Variants in MDGA2 observed in about 807,000 individuals in gnomAD.
The protein encoded by MDGA2 is MAM domain-containing glycosylphosphatidylinositol anchor protein 2.
MDGA2 carries 40 observed loss-of-function variants against 117.8 expected under a neutral mutation model. The observed-to-expected ratio is 0.34, with a 90% CI of 0.26 to 0.44. The LOEUF is 0.44. MDGA2 is among the 20% of genes least tolerant of loss of function. The pLI, the probability that MDGA2 is intolerant of heterozygous loss-of-function variation, is 1.00. For missense variants in MDGA2, 1,123 were observed against 1,250.6 expected, an observed-to-expected ratio of 0.90 and a Z score of 1.54; for synonymous variants, 452 against 439.0, an observed-to-expected ratio of 1.03 and a Z score of -0.37.
chr14:47,020,438 A>C (rs1888246475), intron 8 of MDGA2, among the ~76,000 whole-genome samples: 1 of 152,240 alleles, frequency 6.6e-6, no homozygotes, highest in Non-Finnish European at 1.5e-5. Context: ...GGAATGTCTT[A>C]TGTAGAATTC....
At position 47,665,201 on chromosome 14, in the gene MDGA2, C is replaced by G. The variant is rs951031995; in HGVS notation, c.280+9316G>C. On this transcript the variant is annotated intron_variant, in intron 1 of 16. Transcript: ENST00000399232. The stretch of plus-strand genomic sequence containing the variant: ...TACCCACTTTCAAGTCTTAACTGTT[C>G]CGAGCTTTTTCAAGTTTTCTCCAAC... Among the ~76,000 whole-genome samples the G allele has an allele frequency of 9.9e-5, 15 of 152,170 alleles. 1 individual carries two copies. Among genetic ancestry groups the G allele is most frequent in the Admixed American group, 9.8e-4 (15 of 15,274 alleles).
At chr14:46,893,676 G>A (rs1882969732) in intron 10 of MDGA2, among the ~76,000 whole-genome samples, 1 of 151,936 alleles carries the variant, frequency 6.6e-6, no homozygotes, top group African/African-American at 2.4e-5. Flanking sequence ...ATTATTAATA[G>A]TGTATTCACA....
At chr14:47,211,043 T>C (rs1885863835) in intron 3 of MDGA2, among the ~76,000 whole-genome samples, 1 of 152,152 alleles carries the variant, frequency 6.6e-6, no homozygotes, top group South Asian at 2.1e-4. Flanking sequence ...CTTACATAAA[T>C]GGCAGATCAT....
At chr14:47,465,224 A>G (rs944621002) in intron 1 of MDGA2, among the ~76,000 whole-genome samples, 4 of 152,320 alleles carry the variant, frequency 2.6e-5, no homozygotes, top group African/African-American at 9.6e-5. Context: ...AAACTCACAA[A>G]AACCCTGGCA....
chr14:47,617,761 T>C (rs550468998), intron 1 of MDGA2, among the ~76,000 whole-genome samples: 2 of 152,306 alleles, frequency 1.3e-5, no homozygotes, highest in Admixed American at 6.5e-5. Context: ...TATTTGCCTA[T>C]AGCATATTAT....
intron 1 of MDGA2, among the ~76,000 whole-genome samples, chr14:47,337,665 GAGAA>G (rs1479909668): frequency 6.6e-6 from 1 of 151,886 alleles, no homozygotes; most frequent in Admixed American, 6.6e-5. Context: ...GATAAAGGAG[GAGAA>G]AGAGACAATA....
chr14:47,008,449 C>T (rs1184109293), intron 8 of MDGA2, among the ~76,000 whole-genome samples: 1 of 151,990 alleles, frequency 6.6e-6, no homozygotes, highest in East Asian at 1.9e-4. Context: ...GACCACCTTG[C>T]TAAATAAGCT....
rs1421855564 is a variant in MDGA2, at chr14:47,444,115, T to C, written c.281-142565A>G. The C allele has an allele frequency of 1.5e-5, 3 of 198,268 alleles. No individual in the cohort carries two copies. The East Asian group carries it at 3.7e-4, about 24-fold the overall frequency. The allele number at this position is 198,268 out of a possible 1,614,324, so 12.3% of individuals were successfully genotyped here. Reference sequence around the variant, plus strand: ...TGTAAGCATTACATCCCTAGAAAAATAATCCCCAGGATTTTCCCTACTGTG... The same window carrying C: ...TGTAAGCATTACATCCCTAGAAAAACAATCCCCAGGATTTTCCCTACTGTG... On this transcript the variant is annotated intron_variant, in intron 1 of 16. Transcript: ENST00000399232.
intron 10 of MDGA2, among the ~76,000 whole-genome samples, chr14:46,889,227 T>C (rs760932274): frequency 6.6e-6 from 1 of 152,092 alleles, no homozygotes; most frequent in African/African-American, 2.4e-5. Context: ...TCTTCTTTCA[T>C]TACCACAAAT....
chr14:47,640,076 T>G (rs1224336693), intron 1 of MDGA2, among the ~76,000 whole-genome samples: 1 of 152,182 alleles, frequency 6.6e-6, no homozygotes, highest in African/African-American at 2.4e-5. Flanking sequence ...AAGCTTCCTA[T>G]TAGCTATGCT....
chr14:47,255,487 C>T (rs1291001512), intron 2 of MDGA2, among the ~76,000 whole-genome samples: 3 of 152,156 alleles, frequency 2.0e-5, no homozygotes, highest in African/African-American at 7.2e-5. Flanking sequence ...TGTCCCTTGG[C>T]CCTATGCCTG....
intron 10 of MDGA2, among the ~76,000 whole-genome samples, chr14:46,899,305 C>G (rs1883196569): frequency 6.6e-6 from 1 of 151,888 alleles, no homozygotes; most frequent in South Asian, 2.1e-4. Context: ...CTTTTCAAAG[C>G]AGAATTACAA....
chr14:47,588,965 C>A lies in MDGA2; in HGVS notation c.280+85552G>T, dbSNP rs970986060. Among the ~76,000 whole-genome samples the A allele has an allele frequency of 1.1e-4, 17 of 151,832 alleles. 1 individual carries two copies. Among genetic ancestry groups the A allele is most frequent in the Admixed American group, 1.1e-3 (17 of 15,192 alleles). On this transcript the variant is annotated intron_variant, in intron 1 of 16. Coordinates refer to ENST00000399232, the MANE Select transcript of MDGA2 (RefSeq NM_001113498.3). ...GGCTTTTGGCCCTGCATCATTCCAC[C>A]CTCTGGTTCCATCTTTACATTTCCT...
chr14:47,431,159 A>G (rs770920159), intron 1 of MDGA2, among the ~76,000 whole-genome samples: 14 of 152,044 alleles, frequency 9.2e-5, no homozygotes, highest in Non-Finnish European at 1.9e-4. Context: ...ATATATAAGT[A>G]TATATTCATA....
chr14:47,164,792 A>G (rs190450442), intron 3 of MDGA2, among the ~76,000 whole-genome samples: 1 of 152,346 alleles, frequency 6.6e-6, no homozygotes, highest in East Asian at 1.9e-4. Flanking sequence ...CTATAGAGAC[A>G]CATGCACATG....
chr14:47,272,676 T>A (rs561995947), intron 2 of MDGA2, among the ~76,000 whole-genome samples: 1 of 152,268 alleles, frequency 6.6e-6, no homozygotes, highest in Non-Finnish European at 1.5e-5. Context: ...TATCTTCAAG[T>A]TTTTTCCCAA....
intron 2 of MDGA2, among the ~76,000 whole-genome samples, chr14:47,251,931 GTATTATTAT>G (rs137890834): frequency 6.7e-6 from 1 of 150,368 alleles, no homozygotes; most frequent in African/African-American, 2.4e-5. Context: ...GGTTTCTCTT[GTATTATTAT>G]TATTATTATT....
At chr14:46,889,155 G>A (rs987132709) in intron 10 of MDGA2, among the ~76,000 whole-genome samples, 4 of 151,980 alleles carry the variant, frequency 2.6e-5, no homozygotes, top group East Asian at 1.9e-4. Context: ...GGCGTTAAAT[G>A]AGTCTTATTT....
intron 9 of MDGA2, among the ~76,000 whole-genome samples, chr14:46,950,779 G>A (rs1304039777): frequency 3.3e-5 from 5 of 150,504 alleles, no homozygotes; most frequent in Non-Finnish European, 5.9e-5. Context: ...TAAGAAAGAA[G>A]TATCTAGCTG....
Sources: gnomAD v4.1 joint callset for allele counts (sites outside exome capture counted in the v4.1 genomes callset) on GRCh38, gnomAD v4.1.1 for gene constraint, MANE v1.5 for transcripts, NCBI Gene and HGNC (gene_info 2026-07-23, HGNC 2026-07-21) for gene names.